Variants in CSTPP1 observed in about 807,000 individuals in gnomAD.
CSTPP1 encodes the protein UPF0705 protein C11orf49.
At chr11:47,035,460 A>T in the CSTPP1 span, among the ~76,000 whole-genome samples, 4 of 152,244 alleles carry the variant, frequency 2.6e-5, no homozygotes, top group African/African-American at 9.6e-5. Context: ...TGCAGAGATG[A>T]TTAGCATCAC....
At chr11:47,038,950 CG>C in the CSTPP1 span, among the ~76,000 whole-genome samples, 1,671 of 123,386 alleles carry the variant, frequency 0.014, 464 homozygotes, top group Non-Finnish European at 0.022. Context: ...GATGGGCCGC[CG>C]GGCAGAGACG....
chr11:46,996,216 C>G, the CSTPP1 span, among the ~76,000 whole-genome samples: 1 of 152,094 alleles, frequency 6.6e-6, no homozygotes, highest in East Asian at 1.9e-4. Context: ...ACTGATGGGT[C>G]TTGACTCTTT....
the CSTPP1 span, among the ~76,000 whole-genome samples, chr11:46,953,703 A>G: frequency 6.6e-6 from 1 of 152,200 alleles, no homozygotes; most frequent in Non-Finnish European, 1.5e-5. Context: ...ATTGACAGAC[A>G]TTTTGCCATA....
At chr11:47,006,872 A>G in the CSTPP1 span, among the ~76,000 whole-genome samples, 2 of 150,860 alleles carry the variant, frequency 1.3e-5, no homozygotes, top group Non-Finnish European at 3.0e-5. Flanking sequence ...GATTACAGAC[A>G]TGAGCCAACA....
At chr11:47,096,383 A>G in the CSTPP1 span, among the ~76,000 whole-genome samples, 2 of 152,298 alleles carry the variant, frequency 1.3e-5, no homozygotes, top group Admixed American at 6.5e-5. Context: ...GGTAACCTCT[A>G]TAACACTTTC....
chr11:47,083,645 T>A, the CSTPP1 span, among the ~76,000 whole-genome samples: 1 of 152,232 alleles, frequency 6.6e-6, no homozygotes, highest in Non-Finnish European at 1.5e-5. Flanking sequence ...CCTAGAGGTG[T>A]GAAATGGTAT....
the CSTPP1 span, among the ~76,000 whole-genome samples, chr11:46,952,197 T>C: frequency 2.0e-5 from 3 of 152,248 alleles, no homozygotes; most frequent in East Asian, 1.9e-4. Context: ...GAAGTCATCA[T>C]TGGATTTCAG....
chr11:47,007,305 A>G, the CSTPP1 span, among the ~76,000 whole-genome samples: 4 of 152,300 alleles, frequency 2.6e-5, no homozygotes, highest in South Asian at 8.3e-4. Flanking sequence ...TGCTGGAATT[A>G]CAGTCATGAG....
At chr11:47,138,839 C>G in the CSTPP1 span, among the ~76,000 whole-genome samples, 1 of 151,988 alleles carries the variant, frequency 6.6e-6, no homozygotes, top group Non-Finnish European at 1.5e-5. Context: ...ATTAACCAGG[C>G]ACGGTTGCGC....
At chr11:46,998,669 A>AGTTT in the CSTPP1 span, among the ~76,000 whole-genome samples, 1 of 152,106 alleles carries the variant, frequency 6.6e-6, no homozygotes. Flanking sequence ...GAAGCTCCTG[A>AGTTT]GTTTACTTTG....
chr11:47,038,025 G>A, the CSTPP1 span, among the ~76,000 whole-genome samples: 12 of 105,286 alleles, frequency 1.1e-4, no homozygotes, highest in Middle Eastern at 0.011. Flanking sequence ...GGGCAGAGGG[G>A]CTCCTCACTT....
the CSTPP1 span, chr11:46,987,184 T>C: frequency 6.2e-7 from 1 of 1,607,210 alleles, no homozygotes. Flanking sequence ...CATTTTCTCT[T>C]TCTCTCTTGC....
chr11:47,115,091 G>T, the CSTPP1 span, among the ~76,000 whole-genome samples: 1 of 152,208 alleles, frequency 6.6e-6, no homozygotes, highest in Non-Finnish European at 1.5e-5. Context: ...AGATAATCAA[G>T]TGGTTTTTGT....
chr11:47,118,017 T>C, the CSTPP1 span, among the ~76,000 whole-genome samples: 60 of 151,750 alleles, frequency 4.0e-4, no homozygotes, highest in East Asian at 4.7e-3. Flanking sequence ...GTAGCTGGGA[T>C]TACAGGTGCC....
chr11:47,078,514 G>A, the CSTPP1 span, among the ~76,000 whole-genome samples: 1 of 152,160 alleles, frequency 6.6e-6, no homozygotes, highest in East Asian at 1.9e-4. Flanking sequence ...AATGGAGAAG[G>A]TAAGGTCAAC....
chr11:47,164,028 C>T, the CSTPP1 span: 10 of 1,533,924 alleles, frequency 6.5e-6, no homozygotes, highest in African/African-American at 4.1e-5. Context: ...TGAGGTTGCT[C>T]GCTCGCCCTC....
chr11:47,060,664 G>A, the CSTPP1 span, among the ~76,000 whole-genome samples: 2 of 152,056 alleles, frequency 1.3e-5, no homozygotes, highest in Non-Finnish European at 2.9e-5. Flanking sequence ...ATGGGTTGGG[G>A]GTGAGGGATA....
chr11:47,098,999 G>C, the CSTPP1 span, among the ~76,000 whole-genome samples: 1 of 151,452 alleles, frequency 6.6e-6, no homozygotes, highest in Non-Finnish European at 1.5e-5. Flanking sequence ...ATAAACCATG[G>C]GACTGACGGG....
chr11:47,148,023 G>T, the CSTPP1 span, among the ~76,000 whole-genome samples: 2 of 152,180 alleles, frequency 1.3e-5, no homozygotes, highest in South Asian at 4.1e-4. Context: ...CTAGGGCAGA[G>T]CAATGACCTG....
Sources: gnomAD v4.1 joint callset for allele counts (sites outside exome capture counted in the v4.1 genomes callset) on GRCh38, gnomAD v4.1.1 for gene constraint, MANE v1.5 for transcripts, NCBI Gene and HGNC (gene_info 2026-07-23, HGNC 2026-07-21) for gene names.